The following GLYR1 variants were observed in gnomAD, a reference collection of about 807,000 sequenced individuals.
The protein encoded by GLYR1 is glyoxylate reductase 1 homolog.
GLYR1 carries 21 observed loss-of-function variants against 72.7 expected under a neutral mutation model. The observed-to-expected ratio is 0.29, with a 90% CI of 0.20 to 0.42. The LOEUF (loss-of-function observed/expected upper bound fraction) is 0.42, where lower values mean the gene tolerates loss of function less well. Among genes scored for constraint, GLYR1 ranks in the 10% least tolerant of loss-of-function variants. The probability of loss-of-function intolerance (pLI) is 1.00; values close to 1 mark genes in which losing one functional copy is unlikely to be tolerated. For missense variants in GLYR1, 594 were observed against 712.1 expected, an observed-to-expected ratio of 0.83 and a Z score of 1.89; for synonymous variants, 392 against 270.2, an observed-to-expected ratio of 1.45 and a Z score of -4.42.
chr16:4,823,858 G>C lies in GLYR1; in HGVS notation c.587C>G (p.Pro196Arg), dbSNP rs763276774. ...SSTVKGMMAG[P>R]MAAFKWQPTA... is the part of the protein sequence containing the mutation. The stretch of plus-strand genomic sequence containing the variant: ...TGGCTGCCATTTAAACGCGGCCATC[G>C]GTCCGGCCATCATCCCCTTCACGGT... The change falls in exon 6 of 16, where the codon CCG becomes CGG. Residue 196 changes from proline (P) to arginine (R), a missense_variant. Transcript: ENST00000321919. 1.2e-6 allele frequency: 2 copies of C among 1,613,860 alleles called. No homozygotes were observed. Among genetic ancestry groups the C allele is most frequent in the Non-Finnish European group, 1.7e-6 (2 of 1,180,010 alleles).
intron 10 of GLYR1, 70 bp downstream of exon 10, chr16:4,817,528 G>C: frequency 1.1e-6 from 1 of 893,892 alleles, no homozygotes; most frequent in Non-Finnish European, 1.9e-6. Flanking sequence ...GAGACAACAG[G>C]GGGAGATGTC....
chr16:4,829,217 C>A (rs1177571075), intron 5 of GLYR1, among the ~76,000 whole-genome samples: 1 of 152,020 alleles, frequency 6.6e-6, no homozygotes, highest in East Asian at 1.9e-4. Context: ...ACACTGGCAG[C>A]CCACAGAGAT....
intron 3 of GLYR1, among the ~76,000 whole-genome samples, chr16:4,842,763 G>A (rs113357758): frequency 0.1 from 15,294 of 152,186 alleles, 965 homozygotes; most frequent in Admixed American, 0.18. Flanking sequence ...GCAGTGGCGC[G>A]ATCTCAGCTC....
chr16:4,826,717 C>T (rs928259025), intron 5 of GLYR1, among the ~76,000 whole-genome samples: 3 of 152,192 alleles, frequency 2.0e-5, no homozygotes, highest in African/African-American at 4.8e-5. Context: ...ATAGAGCAGG[C>T]GCCAGTCAAG....
intron 10 of GLYR1, among the ~76,000 whole-genome samples, chr16:4,816,800 A>C (rs2141970688): frequency 6.6e-6 from 1 of 152,256 alleles, no homozygotes; most frequent in South Asian, 2.1e-4. Flanking sequence ...AGCCTGGCTA[A>C]CATGGTGAAA....
intron 13 of GLYR1, 101 bp from the exon 14 acceptor site, chr16:4,811,903 G>A (rs2083341611): frequency 2.8e-6 from 4 of 1,448,982 alleles, no homozygotes; most frequent in Non-Finnish European, 3.7e-6. Flanking sequence ...CTCCAGGGGA[G>A]GCCCCCTTCA....
rs1567623492 is a variant in GLYR1, at chr16:4,804,932, CCTGT to C, written c.*300_*303del. On this transcript the variant is annotated 3_prime_UTR_variant, in exon 16 of 16. Coordinates refer to ENST00000321919, the MANE Select transcript of GLYR1 (RefSeq NM_032569.4). ...GGCAGCTTCTATCCTGGGGCGAGAG[CCTGT>C]GTGTGTGTGTGTGTGTGTGTGTGTG... The C allele has an allele frequency of 1.7e-5, 5 of 291,822 alleles. No homozygotes were observed. Among genetic ancestry groups the C allele is most frequent in the South Asian group, 1.6e-4 (2 of 12,192 alleles). 18.1% of individuals were successfully genotyped at this position (291,822 alleles called of 1,614,324 possible). A position where few individuals can be genotyped will look rare whatever the true frequency, so the allele number is the denominator to read the frequency against.
rs1024560779 is a variant in GLYR1 at position 4,846,853 on chromosome 16, C to T, written c.38+375G>A. 4 of 331,172 alleles carry T rather than the reference C, an allele frequency of 1.2e-5. No individual in the cohort carries two copies. The Admixed American group carries it at 1.5e-4, about 13-fold the overall frequency. 20.5% of individuals were successfully genotyped at this position (331,172 alleles called of 1,614,324 possible). On this transcript the variant is annotated intron_variant, in intron 1 of 15. Coordinates refer to ENST00000321919, the MANE Select transcript of GLYR1 (RefSeq NM_032569.4). The stretch of plus-strand genomic sequence containing the variant: ...TGACCGAATGGCACCGGCCAGATCT[C>T]GCAGGTCCGGTCCCCGGCGCTTCTG...
At chr16:4,841,592 C>T (rs1047972705) in intron 3 of GLYR1, among the ~76,000 whole-genome samples, 11 of 151,218 alleles carry the variant, frequency 7.3e-5, no homozygotes, top group Non-Finnish European at 1.6e-4. Flanking sequence ...ATGCAGTAAG[C>T]CATGTCCGTG....
chr16:4,812,219 C>T lies in GLYR1; in HGVS notation c.1149G>A (p.Leu383=). The change falls in exon 13 of 16, where the codon CTG becomes CTA. Residue 383 remains leucine, a synonymous_variant. Transcript: ENST00000321919. ...QVIVSRGGRF[L]EAPVSGNQQL... ...GCTGATTCCCTGAGACGGGGGCTTC[C>T]AGAAAGCGCCCCCCCCTGGACACAA... The T allele has an allele frequency of 6.2e-7, 1 of 1,613,926 alleles. No individual in the cohort carries two copies. Among genetic ancestry groups the T allele is most frequent in the Non-Finnish European group, 8.5e-7 (1 of 1,180,000 alleles).
At chr16:4,805,532 T>G in intron 15 of GLYR1, among the ~76,000 whole-genome samples, 1 of 152,204 alleles carries the variant, frequency 6.6e-6, no homozygotes, top group African/African-American at 2.4e-5. Flanking sequence ...CGGGGGATCT[T>G]GTGAGAATGA....
chr16:4,824,425 G>A (rs1433447451), intron 5 of GLYR1, among the ~76,000 whole-genome samples: 1 of 151,240 alleles, frequency 6.6e-6, no homozygotes, highest in Non-Finnish European at 1.5e-5. Context: ...GCTTGAACCG[G>A]GGAGGTGGAA....
intron 12 of GLYR1, 28 bp from the exon 13 acceptor site, chr16:4,812,276 G>A (rs1303595795): frequency 5.0e-6 from 8 of 1,602,942 alleles, no homozygotes; most frequent in African/African-American, 2.7e-5. Flanking sequence ...AGCTTCTGGA[G>A]GCCTCCCCTC....
intron 5 of GLYR1, among the ~76,000 whole-genome samples, chr16:4,828,650 A>G: frequency 6.6e-6 from 1 of 152,052 alleles, no homozygotes. Flanking sequence ...AGTGTCTGCG[A>G]AACAAACCTA....
Position 4,847,246 on chromosome 16 carries a change from C to A in GLYR1, c.20G>T (p.Arg7Leu). The change falls in exon 1 of 16, where the codon CGG (arginine) becomes CTG (leucine). Residue 7 changes from arginine to leucine, a missense_variant. Transcript: ENST00000321919. The stretch of plus-strand genomic sequence containing the variant: ...GACTCACCACACCAAGTCGCCGAGC[C>A]GCAGACTCACAGCCGCCATCTTACC... MAAVSLRLGDLVWGKLG... is the reference protein window; with the variant it reads MAAVSLLLGDLVWGKLG... 6.2e-7 allele frequency: 1 copy of A among 1,609,880 alleles called. No homozygotes were observed. The highest frequency in any genetic ancestry group is 8.5e-7 in the Non-Finnish European group (1 of 1,178,950).
chr16:4,832,753 A>G (rs1293405106), intron 4 of GLYR1, 21 bp downstream of exon 4: 1 of 1,594,274 alleles, frequency 6.3e-7, no homozygotes, highest in South Asian at 1.1e-5. Flanking sequence ...ATTGGTAGAA[A>G]GTGAACATTG....
At chr16:4,817,926 C>T in intron 9 of GLYR1, 1 of 503,384 alleles carries the variant, frequency 2.0e-6, no homozygotes, top group South Asian at 2.4e-5. Context: ...CATTTTGAAA[C>T]CCCTGACTGT....
intron 15 of GLYR1, among the ~76,000 whole-genome samples, chr16:4,806,973 A>G (rs888049099): frequency 6.6e-6 from 1 of 151,344 alleles, no homozygotes; most frequent in Non-Finnish European, 1.5e-5. Context: ...CGCCTGGCTA[A>G]TTTTTTGTAT....
chr16:4,811,806 C>G lies in GLYR1; in HGVS notation c.1283-4G>C, dbSNP rs1213720854. On this transcript the variant is annotated splice_polypyrimidine_tract_variant and splice_region_variant and intron_variant, in intron 13 of 15. Transcript: ENST00000321919. Reference sequence around the variant, plus strand: ...TTGGCTGCATTGCCCACTTCACCTGCCCAGGGTAAAGACTCACGGTCACAG... The same window carrying G: ...TTGGCTGCATTGCCCACTTCACCTGGCCAGGGTAAAGACTCACGGTCACAG... 5 of 1,611,420 alleles carry G rather than the reference C, an allele frequency of 3.1e-6. No homozygotes were observed. In the African/African-American group the frequency reaches 6.7e-5, roughly 22 times the overall value.
Sources: gnomAD v4.1 joint callset for allele counts (sites outside exome capture counted in the v4.1 genomes callset) on GRCh38, gnomAD v4.1.1 for gene constraint, MANE v1.5 for transcripts, NCBI Gene and HGNC (gene_info 2026-07-23, HGNC 2026-07-21) for gene names.